Variants in GRAMD1B observed in about 807,000 individuals in gnomAD.
GRAMD1B encodes GRAM domain containing 1B.
In GRAMD1B, 37 loss-of-function variants were observed where a neutral mutation model predicts 99.7. The observed-to-expected ratio is 0.37, with a 90% CI of 0.29 to 0.49. GRAMD1B has a LOEUF of 0.49. GRAMD1B is among the 20% of genes least tolerant of loss of function. The pLI is 0.98. For missense variants in GRAMD1B, 888 were observed against 1,009.2 expected (o/e 0.88, Z 1.63); for synonymous variants, 427 against 387.6 (o/e 1.10, Z -1.19).
intron 1 of GRAMD1B, among the ~76,000 whole-genome samples, chr11:123,417,578 C>A (rs1196774863): frequency 6.6e-6 from 1 of 152,130 alleles, no homozygotes; most frequent in Non-Finnish European, 1.5e-5. Context: ...TTGATGTTTA[C>A]AAATTATACA....
intron 2 of GRAMD1B, among the ~76,000 whole-genome samples, chr11:123,558,931 G>A (rs889955042): frequency 1.3e-5 from 2 of 152,220 alleles, no homozygotes; most frequent in Admixed American, 1.3e-4. Context: ...AGATGCCCAA[G>A]AAATATTAGC....
chr11:123,407,478 G>T (rs1225992501), intron 1 of GRAMD1B, among the ~76,000 whole-genome samples: 3 of 152,218 alleles, frequency 2.0e-5, no homozygotes, highest in Non-Finnish European at 4.4e-5. Context: ...AAACCTGCAG[G>T]CTCTTGGCTT....
chr11:123,617,929 CTG>C (rs1954652800), intron 17 of GRAMD1B, among the ~76,000 whole-genome samples: 1 of 152,184 alleles, frequency 6.6e-6, no homozygotes, highest in South Asian at 2.1e-4. Flanking sequence ...GACCCAGACT[CTG>C]GGAAACCTCA....
intron 4 of GRAMD1B, among the ~76,000 whole-genome samples, chr11:123,586,885 T>C (rs757502866): frequency 2.0e-5 from 3 of 152,234 alleles, no homozygotes; most frequent in Non-Finnish European, 4.4e-5. Context: ...CATTCTGATA[T>C]CTGAGGCTCA....
chr11:123,468,652 G>A (rs1207631517), intron 1 of GRAMD1B, among the ~76,000 whole-genome samples: 1 of 151,794 alleles, frequency 6.6e-6, no homozygotes, highest in Admixed American at 6.6e-5. Context: ...AAATCAGCCC[G>A]GTGTGATGGT....
chr11:123,415,874 A>G (rs896976558), intron 1 of GRAMD1B, among the ~76,000 whole-genome samples: 3 of 152,174 alleles, frequency 2.0e-5, no homozygotes, highest in Admixed American at 6.5e-5. Context: ...AGTTCTAGGT[A>G]TCATGCACAT....
intron 1 of GRAMD1B, among the ~76,000 whole-genome samples, chr11:123,471,301 C>T (rs896858470): frequency 2.0e-5 from 3 of 152,168 alleles, no homozygotes; most frequent in Non-Finnish European, 2.9e-5. Flanking sequence ...GAAGCAGGAA[C>T]CCAATAGAAT....
chr11:123,424,264 A>G (rs904670375), intron 1 of GRAMD1B, among the ~76,000 whole-genome samples: 9 of 151,726 alleles, frequency 5.9e-5, no homozygotes, highest in South Asian at 2.1e-4. Flanking sequence ...AAAAAAAAAA[A>G]AAAAAAGAAA....
intron 1 of GRAMD1B, among the ~76,000 whole-genome samples, chr11:123,372,970 C>T: frequency 6.6e-6 from 1 of 151,994 alleles, no homozygotes; most frequent in Middle Eastern, 3.2e-3. Flanking sequence ...CGAAAACCAT[C>T]TCTACCAAAA....
chr11:123,585,124 T>C (rs1221603586), intron 4 of GRAMD1B, among the ~76,000 whole-genome samples: 1 of 152,180 alleles, frequency 6.6e-6, no homozygotes, highest in Non-Finnish European at 1.5e-5. Flanking sequence ...CCTGCCCTCC[T>C]CACACCTAAC....
At chr11:123,529,841 A>G (rs1321826987) in intron 2 of GRAMD1B, among the ~76,000 whole-genome samples, 1 of 152,150 alleles carries the variant, frequency 6.6e-6, no homozygotes, top group Non-Finnish European at 1.5e-5. Flanking sequence ...AGGACTAGGC[A>G]GACTGTAGTG....
chr11:123,488,625 T>C (rs140548738), intron 2 of GRAMD1B, among the ~76,000 whole-genome samples: 362 of 152,220 alleles, frequency 2.4e-3, no homozygotes, highest in African/African-American at 8.2e-3. Flanking sequence ...GGGAGCCGGA[T>C]CTTCTCCCCT....
At chr11:123,579,454 T>C (rs928089640) in intron 3 of GRAMD1B, among the ~76,000 whole-genome samples, 1 of 152,184 alleles carries the variant, frequency 6.6e-6, no homozygotes, top group Non-Finnish European at 1.5e-5. Flanking sequence ...TGGCCGTTCC[T>C]GGCTGTGGAC....
intron 1 of GRAMD1B, among the ~76,000 whole-genome samples, chr11:123,457,158 C>T (rs572271126): frequency 7.4e-5 from 7 of 95,168 alleles, no homozygotes; most frequent in South Asian, 6.3e-4. Flanking sequence ...GTTTATCCCT[C>T]GAATCCCTTC....
At chr11:123,597,904 G>C (rs1321547813) in intron 7 of GRAMD1B, 5 of 917,644 alleles carry the variant, frequency 5.4e-6, no homozygotes, top group Non-Finnish European at 9.1e-6. Flanking sequence ...TCTCAGGGAA[G>C]CCTGGGCTAG....
intron 2 of GRAMD1B, among the ~76,000 whole-genome samples, chr11:123,558,507 T>C (rs1946388175): frequency 6.6e-6 from 1 of 152,138 alleles, no homozygotes; most frequent in African/African-American, 2.4e-5. Context: ...TTTTCAACAG[T>C]ACAAAGGAGG....
chr11:123,442,496 G>A lies in GRAMD1B; in HGVS notation c.374+11330G>A, dbSNP rs140652167. Among the ~76,000 whole-genome samples, 560 of 152,298 alleles carry A rather than the reference G, an allele frequency of 3.7e-3. 4 individuals carry two copies. Among genetic ancestry groups the A allele is most frequent in the Admixed American group, 3.5e-3 (53 of 15,302 alleles). ...TTAAGAAAGTAAAGGAAGGCTGGGCGCGGTGGCTCATGCCTATAATCCCAG... is the reference window on the plus strand; with the variant it reads ...TTAAGAAAGTAAAGGAAGGCTGGGCACGGTGGCTCATGCCTATAATCCCAG... On this transcript the variant is annotated intron_variant, in intron 1 of 19. Transcript: ENST00000635736.
At chr11:123,380,593 A>G (rs1371203313) in intron 1 of GRAMD1B, among the ~76,000 whole-genome samples, 2 of 152,198 alleles carry the variant, frequency 1.3e-5, no homozygotes, top group Admixed American at 6.5e-5. Flanking sequence ...TGGGTGATAG[A>G]CGGATGGACC....
At chr11:123,570,426 T>TTTTC (rs1947943764) in intron 2 of GRAMD1B, among the ~76,000 whole-genome samples, 2 of 31,384 alleles carry the variant, frequency 6.4e-5, no homozygotes, top group African/African-American at 2.3e-4. Context: ...CTTTTCTTTT[T>TTTTC]TTTTTTTTTT....
Sources: gnomAD v4.1 joint callset for allele counts (sites outside exome capture counted in the v4.1 genomes callset) on GRCh38, gnomAD v4.1.1 for gene constraint, MANE v1.5 for transcripts, NCBI Gene and HGNC (gene_info 2026-07-23, HGNC 2026-07-21) for gene names.